ANXA4: variants seen among roughly 807,000 people sequenced by gnomAD.
ANXA4 encodes 35-beta calcimedin.
Under a neutral mutation model 49.8 loss-of-function variants are expected in ANXA4, and 39 were observed. That is an observed-to-expected ratio of 0.78 (90% CI 0.61 to 1.02). ANXA4 has a LOEUF of 1.02. Ranked by LOEUF, ANXA4 falls within the 50% of genes least tolerant of loss-of-function variation. ANXA4 has a pLI of 0.00. For synonymous variants in ANXA4, 134 were observed against 152.5 expected (o/e 0.88, Z 0.89); for missense variants, 360 against 410.1 (o/e 0.88, Z 1.05).
intron 2 of ANXA4, among the ~76,000 whole-genome samples, chr2:69,698,059 C>T (rs371666651): frequency 7.2e-5 from 11 of 151,984 alleles, no homozygotes; most frequent in African/African-American, 1.7e-4. Context: ...ATCTGGAGGC[C>T]GAGAAGTCCA....
chr2:69,766,140 A>G (rs112726493), intron 1 of ANXA4, among the ~76,000 whole-genome samples: 1,687 of 152,348 alleles, frequency 0.011, 32 homozygotes, highest in African/African-American at 0.038. Flanking sequence ...CCACAAAGGA[A>G]TCTAGTTTGA....
intron 2 of ANXA4, among the ~76,000 whole-genome samples, chr2:69,670,584 T>A (rs1677140396): frequency 6.6e-6 from 1 of 151,952 alleles, no homozygotes; most frequent in African/African-American, 2.4e-5. Context: ...GATAGACAAC[T>A]GGCAGAATAG....
intron 2 of ANXA4, among the ~76,000 whole-genome samples, chr2:69,672,717 A>G (rs895987797): frequency 5.9e-5 from 9 of 152,274 alleles, no homozygotes; most frequent in Non-Finnish European, 1.0e-4. Flanking sequence ...ATGACTATGC[A>G]TGGGGAGAGA....
chr2:69,827,108 T>C lies in ANXA4; in HGVS notation c.*1593T>C, dbSNP rs1674500514. On this transcript the variant is annotated 3_prime_UTR_variant, in exon 13 of 13. Transcript: ENST00000394295. ...ATAAATGTATAAAGGACATTCATAT[T>C]CTTATAGTGGGAATACTTGCCTTTT... The C allele has an allele frequency of 6.6e-6, 1 of 152,236 alleles. No individual in the cohort carries two copies. The highest frequency in any genetic ancestry group is 1.5e-5 in the Non-Finnish European group (1 of 68,040). 9.4% of individuals were successfully genotyped at this position (152,236 alleles called of 1,614,324 possible). A position where few individuals can be genotyped will look rare whatever the true frequency, so the allele number is the denominator to read the frequency against.
chr2:69,748,405 G>C (rs1670705792), intron 1 of ANXA4, among the ~76,000 whole-genome samples: 1 of 150,984 alleles, frequency 6.6e-6, no homozygotes, highest in South Asian at 2.1e-4. Flanking sequence ...AAAAAAATGA[G>C]AGAAAAGGCA....
At chr2:69,801,899 A>G (rs1202668377) in intron 3 of ANXA4, among the ~76,000 whole-genome samples, 1 of 152,172 alleles carries the variant, frequency 6.6e-6, no homozygotes, top group African/African-American at 2.4e-5. Context: ...CTGGGAAACA[A>G]CATATGACAG....
chr2:69,743,158 A>T (rs1445191730), intron 1 of ANXA4, among the ~76,000 whole-genome samples: 1 of 151,876 alleles, frequency 6.6e-6, no homozygotes, highest in Non-Finnish European at 1.5e-5. Flanking sequence ...GGTGCATGCC[A>T]CCACGTGCCT....
intron 2 of ANXA4, among the ~76,000 whole-genome samples, chr2:69,669,191 C>A (rs1472075705): frequency 6.6e-6 from 1 of 150,994 alleles, no homozygotes; most frequent in Non-Finnish European, 1.5e-5. Context: ...GTGATCCACC[C>A]GCCTCGGCCT....
chr2:69,778,012 C>G (rs963027685), intron 1 of ANXA4, among the ~76,000 whole-genome samples: 4 of 152,218 alleles, frequency 2.6e-5, no homozygotes, highest in African/African-American at 9.6e-5. Flanking sequence ...ACACGTGTGA[C>G]TGTTCCAATA....
At chr2:69,740,268 T>G (rs962796663), upstream of ANXA4, among the ~76,000 whole-genome samples, 8 of 152,076 alleles carry the variant, frequency 5.3e-5, no homozygotes, top group African/African-American at 1.9e-4. Flanking sequence ...TCTCCCAAAC[T>G]CCTAGCCTCA....
chr2:69,761,004 T>A (rs7568942), intron 1 of ANXA4, among the ~76,000 whole-genome samples: 66 of 149,586 alleles, frequency 4.4e-4, no homozygotes, highest in Middle Eastern at 3.5e-3. Context: ...TCTATTAAAT[T>A]AATTAATTAA....
intron 2 of ANXA4, among the ~76,000 whole-genome samples, chr2:69,698,948 G>C (rs936114512): frequency 6.6e-5 from 10 of 152,172 alleles, no homozygotes; most frequent in Non-Finnish European, 1.0e-4. Context: ...GGATATAAGA[G>C]GATAAGGCAG....
At chr2:69,719,492 T>C (rs1166570411) in intron 2 of ANXA4, among the ~76,000 whole-genome samples, 1 of 151,738 alleles carries the variant, frequency 6.6e-6, no homozygotes, top group Non-Finnish European at 1.5e-5. Context: ...CAGGCTAGAG[T>C]GCAGTGGTGC....
At chr2:69,651,787 C>T (rs2105304384) in intron 1 of ANXA4, among the ~76,000 whole-genome samples, 1 of 138,298 alleles carries the variant, frequency 7.2e-6, no homozygotes, top group South Asian at 2.3e-4. Context: ...CAGGCGTGAG[C>T]CACCGCGCCC....
At chr2:69,810,925 A>G (rs1169558567) in intron 7 of ANXA4, 3 of 486,318 alleles carry the variant, frequency 6.2e-6, no homozygotes, top group Admixed American at 6.6e-5. Context: ...CAGTGCATTG[A>G]GAGTTATGAA....
At chr2:69,663,010 T>TTTTTTTC (rs1676782329) in intron 2 of ANXA4, among the ~76,000 whole-genome samples, 1 of 148,066 alleles carries the variant, frequency 6.8e-6, no homozygotes, top group Non-Finnish European at 1.5e-5. Flanking sequence ...TTTTTTTTTT[T>TTTTTTTC]GAGATGGAGT....
At chr2:69,699,765 G>T (rs1387492485) in intron 2 of ANXA4, among the ~76,000 whole-genome samples, 1 of 152,230 alleles carries the variant, frequency 6.6e-6, no homozygotes, top group African/African-American at 2.4e-5. Context: ...AGGTTGAGGT[G>T]CCAGGAACAA....
intron 3 of ANXA4, among the ~76,000 whole-genome samples, chr2:69,800,797 G>A (rs1294306062): frequency 6.6e-6 from 1 of 152,194 alleles, no homozygotes; most frequent in African/African-American, 2.4e-5. Context: ...CGTCTGGGGT[G>A]ACACCCATGG....
intron 12 of ANXA4, 148 bp from the exon 13 acceptor site, chr2:69,825,308 T>C (rs1430705480): frequency 1.1e-5 from 7 of 653,134 alleles, no homozygotes; most frequent in Middle Eastern, 3.5e-4. Flanking sequence ...CTACACTGAA[T>C]AAGTATTACC....
Sources: allele counts gnomAD v4.1 joint callset (sites outside exome capture counted in the v4.1 genomes callset), GRCh38; gene constraint gnomAD v4.1.1; transcripts MANE v1.5; gene names NCBI Gene and HGNC (gene_info 2026-07-23, HGNC 2026-07-21).